Variants in ANAPC4 observed in about 807,000 individuals in gnomAD.
ANAPC4 encodes the protein anaphase-promoting complex subunit 4.
ANAPC4 carries 63 observed loss-of-function variants against 119.8 expected under a neutral mutation model. That is an observed-to-expected ratio of 0.53 (90% confidence interval 0.43 to 0.65). ANAPC4 has a LOEUF of 0.65. Among genes scored for constraint, ANAPC4 ranks in the 30% least tolerant of loss-of-function variants. ANAPC4 has a pLI of 0.00. For missense variants in ANAPC4, 716 were observed against 945.1 expected, an observed-to-expected ratio of 0.76 and a Z score of 3.18; for synonymous variants, 283 against 318.6, an observed-to-expected ratio of 0.89 and a Z score of 1.19.
At position 25,383,353 on chromosome 4, in the gene ANAPC4, G is replaced by A. The variant is rs1334084689; in HGVS notation, c.328G>A (p.Val110Ile). 6.2e-7 allele frequency: 1 copy of A among 1,613,390 alleles called. No individual in the cohort carries two copies. Among genetic ancestry groups the A allele is most frequent in the Non-Finnish European group, 8.5e-7 (1 of 1,179,720 alleles). Residue 110 changes from valine to isoleucine, a missense_variant, in exon 4 of 29, where the codon GTT becomes ATT. By Grantham distance (29) the Val-to-Ile change is conservative (BLOSUM62 3). Around this residue, in one of 3 missense-constraint regions of ANAPC4, gnomAD observed 202 missense variants for 293.5 expected, o/e 0.69. Transcript: ENST00000315368. ...ACACTCTTTTTCTGTGGAGGCTCCA[G>A]TTTCCTGTATGCATTGGATGGAAGT... Reference protein sequence around the residue: ...SLHSFSVEAPVSCMHWMEVTV... With the variant: ...SLHSFSVEAPISCMHWMEVTV...
At chr4:25,379,054 G>A (rs1488835761) in intron 2 of ANAPC4, among the ~76,000 whole-genome samples, 1 of 152,206 alleles carries the variant, frequency 6.6e-6, no homozygotes, top group Non-Finnish European at 1.5e-5. Flanking sequence ...TCCTGGTGAG[G>A]TCAAAGAATT....
chr4:25,378,301 C>G (rs1423050153), intron 2 of ANAPC4, among the ~76,000 whole-genome samples: 2 of 152,214 alleles, frequency 1.3e-5, no homozygotes, highest in Non-Finnish European at 2.9e-5. Flanking sequence ...TGAGAGTTAT[C>G]TGGCCATGTG....
intron 16 of ANAPC4, among the ~76,000 whole-genome samples, chr4:25,402,254 A>G (rs1577390070): frequency 6.6e-6 from 1 of 152,206 alleles, no homozygotes; most frequent in East Asian, 1.9e-4. Flanking sequence ...ATGAAACTTA[A>G]TGCTTGGAAA....
chr4:25,406,984 T>A, intron 19 of ANAPC4, 99 bp downstream of exon 19: 1 of 1,012,066 alleles, frequency 9.9e-7, no homozygotes, highest in Non-Finnish European at 1.4e-6. Context: ...TTAATTGAAG[T>A]CTATAGCAAT....
At chr4:25,412,370 C>G (rs957459267) in intron 21 of ANAPC4, among the ~76,000 whole-genome samples, 3 of 152,096 alleles carry the variant, frequency 2.0e-5, no homozygotes, top group Admixed American at 6.6e-5. Context: ...CCAAGCCCCT[C>G]TCTCTTCCTT....
rs1436745702 is a variant in ANAPC4 at position 25,396,784 on chromosome 4, G to A, written c.1162+20G>A. ...TCGAAGGTAGTGATTTAATTTCTCA[G>A]TGAAATACATTAAACACAGTTTACT... On this transcript the variant is annotated intron_variant, in intron 15 of 28. Coordinates refer to ENST00000315368, the MANE Select transcript of ANAPC4 (RefSeq NM_013367.3). 1.9e-6 allele frequency: 3 copies of A among 1,610,732 alleles called. No individual in the cohort carries two copies. Among genetic ancestry groups the A allele is most frequent in the East Asian group, 4.5e-5 (2 of 44,810 alleles).
At chr4:25,406,021 G>GTAAGGACTGT (rs1560443644) in intron 18 of ANAPC4, among the ~76,000 whole-genome samples, 1 of 152,166 alleles carries the variant, frequency 6.6e-6, no homozygotes, top group East Asian at 1.9e-4. Flanking sequence ...AAGGATTCCT[G>GTAAGGACTGT]TAAGGACTGT....
intron 3 of ANAPC4, among the ~76,000 whole-genome samples, chr4:25,382,514 C>T (rs111809284): frequency 0.011 from 1,698 of 152,248 alleles, 18 homozygotes; most frequent in South Asian, 0.026. Context: ...CAAAAGTGTG[C>T]GTTAAAATGT....
chr4:25,395,060 A>G, intron 14 of ANAPC4, 155 bp downstream of exon 14: 1 of 575,150 alleles, frequency 1.7e-6, no homozygotes, highest in East Asian at 2.9e-5. Context: ...CCTATACCCA[A>G]GATTGAAAGA....
chr4:25,394,637 G>C (rs554561375), intron 12 of ANAPC4, 34 bp from the exon 13 acceptor site: 1 of 1,564,628 alleles, frequency 6.4e-7, no homozygotes, highest in Admixed American at 2.1e-5. Flanking sequence ...TTCCAATAGA[G>C]AAGTGACTAA....
At chr4:25,387,747 G>A (rs1722117640) in intron 4 of ANAPC4, among the ~76,000 whole-genome samples, 1 of 152,046 alleles carries the variant, frequency 6.6e-6, no homozygotes, top group Non-Finnish European at 1.5e-5. Flanking sequence ...AGGAAAAGGG[G>A]GTAAATAAGA....
rs763174392 is a variant in ANAPC4, at chr4:25,396,727, A to G, written c.1125A>G (p.Lys375=). Residue 375 remains lysine, a synonymous_variant, in exon 15 of 29, where the codon AAA becomes AAG. Coordinates refer to ENST00000315368, the MANE Select transcript of ANAPC4 (RefSeq NM_013367.3). ...ELKGMASWKQ[K]YEPLGLDAAG... ...AAGGAATGGCTTCATGGAAGCAAAA[A>G]TATGAACCTCTTGGACTAGATGCTG... is the stretch of plus-strand genomic sequence containing the variant. 9 of 1,613,748 alleles carry G rather than the reference A, an allele frequency of 5.6e-6. No homozygotes were observed. In the African/African-American group the frequency reaches 8.0e-5, roughly 14 times the overall value.
Position 25,405,341 on chromosome 4 carries a change from G to C in ANAPC4, c.1271-232G>C, listed in dbSNP as rs529212908. 7.2e-5 allele frequency among the ~76,000 whole-genome samples: 11 copies of C among 152,014 alleles called. No individual in the cohort carries two copies. In the East Asian group the frequency reaches 1.9e-3, roughly 27 times the overall value. ...CGTGGCAACAGGTGGAATTGAAGAG[G>C]AAAAAGAATAGTTTAGAATGGTTAG... On this transcript the variant is annotated intron_variant, in intron 17 of 28. Coordinates refer to ENST00000315368, the MANE Select transcript of ANAPC4 (RefSeq NM_013367.3). This position sits in a 1 kb window ranked among gnomAD's most constrained non-coding sequence, Gnocchi z 4.6.
chr4:25,406,749 C>A, intron 18 of ANAPC4, 80 bp from the exon 19 acceptor site: 1 of 1,088,376 alleles, frequency 9.2e-7, no homozygotes, highest in Non-Finnish European at 1.3e-6. Context: ...AAAAATGTCA[C>A]ATTTATAATT....
In ANAPC4 at chr4:25,396,548, G is replaced by A. The variant is rs1392702402; in HGVS notation, c.1062-116G>A. 3.8e-6 allele frequency: 3 copies of A among 789,968 alleles called. No homozygotes were observed. The East Asian group carries it at 7.7e-5, about 20-fold the overall frequency. 48.9% of individuals were successfully genotyped at this position (789,968 alleles called of 1,614,324 possible). A position where few individuals can be genotyped will look rare whatever the true frequency, so the allele number is the denominator to read the frequency against. Reference sequence around the variant, plus strand: ...GTTTTGAGAAATAATTATTTCTCATGGAAACAAAATGAAAGTTACTTTCAG... The same window carrying A: ...GTTTTGAGAAATAATTATTTCTCATAGAAACAAAATGAAAGTTACTTTCAG... On this transcript the variant is annotated intron_variant, in intron 14 of 28. Transcript: ENST00000315368.
intron 22 of ANAPC4, chr4:25,414,053 T>G (rs1196414890): frequency 1.7e-5 from 8 of 464,124 alleles, no homozygotes; most frequent in Non-Finnish European, 3.0e-5. Context: ...TGTCTCTGCT[T>G]ACTACTGAAG....
chr4:25,407,872 G>A (rs58528551), intron 20 of ANAPC4, among the ~76,000 whole-genome samples: 2,499 of 152,084 alleles, frequency 0.016, 81 homozygotes, highest in East Asian at 0.12. Flanking sequence ...TCCAGCCTGG[G>A]TGACAGAGGG....
At chr4:25,414,267 G>C in intron 22 of ANAPC4, 57 bp from the exon 23 acceptor site, 1 of 1,219,000 alleles carries the variant, frequency 8.2e-7, no homozygotes, top group Non-Finnish European at 1.1e-6. Flanking sequence ...ACTTTCTGTA[G>C]AGTATCTGTG....
chr4:25,394,063 T>C (rs1218595551), intron 11 of ANAPC4, among the ~76,000 whole-genome samples, 172 bp downstream of exon 11: 1 of 152,218 alleles, frequency 6.6e-6, no homozygotes, highest in Non-Finnish European at 1.5e-5. Flanking sequence ...AAAAGGGCTC[T>C]TTTCCCATTG....
Sources: allele counts gnomAD v4.1 joint callset (sites outside exome capture counted in the v4.1 genomes callset), GRCh38; gene constraint gnomAD v4.1.1; regional missense constraint gnomAD v4.1.1; non-coding constraint Gnocchi (gnomAD v3.1); transcripts MANE v1.5; gene names NCBI Gene and HGNC (gene_info 2026-07-23, HGNC 2026-07-21).